Variants in CELF2 observed in about 807,000 individuals in gnomAD.
CELF2 encodes the protein CUG triplet repeat RNA-binding protein 2.
Under a neutral mutation model 62.6 loss-of-function variants are expected in CELF2, and 8 were observed. The observed-to-expected ratio is 0.13, with a 90% CI of 0.07 to 0.23. The LOEUF is 0.23. Among genes scored for constraint, CELF2 ranks in the 10% least tolerant of loss-of-function variants. The pLI, the probability that CELF2 is intolerant of heterozygous loss-of-function variation, is 1.00. For missense variants in CELF2, 333 were observed against 671.0 expected (o/e 0.50, Z 5.56); for synonymous variants, 258 against 250.0 (o/e 1.03, Z -0.30).
chr10:11,216,925 G>A (rs779736262), intron 2 of CELF2, among the ~76,000 whole-genome samples: 2 of 152,244 alleles, frequency 1.3e-5, no homozygotes, highest in Non-Finnish European at 2.9e-5. Flanking sequence ...ATCATGTAAT[G>A]TGGTGGAGAT....
In CELF2 at chr10:11,277,621, A is replaced by T. The variant is rs190297290; in HGVS notation, c.841+2501A>T. Among the ~76,000 whole-genome samples, 17 of 152,372 alleles carry T rather than the reference A, an allele frequency of 1.1e-4. 1 individual carries two copies. In the East Asian group the frequency reaches 2.5e-3, roughly 22 times the overall value. On this transcript the variant is annotated intron_variant, in intron 8 of 12. Transcript: ENST00000633077. Reference sequence around the variant, plus strand: ...CTTAAGTTAAATGCCTGGTTTTTAAATTAAGAAATATGACTTCAGCAATAT... The same window carrying T: ...CTTAAGTTAAATGCCTGGTTTTTAATTTAAGAAATATGACTTCAGCAATAT...
the CELF2 span, among the ~76,000 whole-genome samples, chr10:10,549,825 G>C: frequency 2.6e-5 from 4 of 152,148 alleles, no homozygotes; most frequent in African/African-American, 9.7e-5. Flanking sequence ...TGAATTTTGA[G>C]GTGACACAAT....
At chr10:11,262,986 A>G (rs7904401) in intron 5 of CELF2, among the ~76,000 whole-genome samples, 1 of 104,438 alleles carries the variant, frequency 9.6e-6, no homozygotes, top group African/African-American at 3.6e-5. Context: ...GCAAGAATTC[A>G]TCTAGTTCTC....
At chr10:11,068,160 A>G (rs10795844) in intron 1 of CELF2, among the ~76,000 whole-genome samples, 27,643 of 152,246 alleles carry the variant, frequency 0.18, 2,692 homozygotes, top group Middle Eastern at 0.27. Flanking sequence ...GTCTGATTCC[A>G]GATGCTGAGG....
At chr10:11,277,925 C>T (rs990289920) in intron 8 of CELF2, among the ~76,000 whole-genome samples, 1 of 152,128 alleles carries the variant, frequency 6.6e-6, no homozygotes, top group East Asian at 1.9e-4. Context: ...ATGATCTCTG[C>T]ATCTAAAATT....
chr10:10,801,114 A>C (rs955920688), intron 1 of CELF2, among the ~76,000 whole-genome samples: 2 of 152,036 alleles, frequency 1.3e-5, no homozygotes, highest in African/African-American at 4.8e-5. Context: ...TCCCCTAAAC[A>C]TGCCCCAAAT....
intron 1 of CELF2, among the ~76,000 whole-genome samples, chr10:11,022,921 G>A (rs772051202): frequency 2.0e-5 from 3 of 152,102 alleles, no homozygotes; most frequent in South Asian, 2.1e-4. Flanking sequence ...TAAGCATTCC[G>A]TATCTAATTT....
intron 1 of CELF2, among the ~76,000 whole-genome samples, chr10:10,851,326 C>G (rs1450917131): frequency 6.6e-6 from 1 of 152,146 alleles, no homozygotes; most frequent in Non-Finnish European, 1.5e-5. Flanking sequence ...TTCAGAGCAG[C>G]TTTTTGGTAC....
At position 11,177,221 on chromosome 10, in the gene CELF2, G is replaced by A. The variant is rs1034804263; in HGVS notation, c.271+11539G>A. Among the ~76,000 whole-genome samples the A allele has an allele frequency of 6.6e-6, 1 of 152,162 alleles. No homozygotes were observed. Among genetic ancestry groups the A allele is most frequent in the Non-Finnish European group, 1.5e-5 (1 of 68,028 alleles). ...ACATTACTAAGGCATCCCCTACACA[G>A]AATGTTTAGTAGGGAGGTATTAAAA... On this transcript the variant is annotated intron_variant, in intron 2 of 12. Coordinates refer to ENST00000633077, the MANE Select transcript of CELF2 (RefSeq NM_001326342.2). This position sits in a 1 kb window ranked among gnomAD's most constrained non-coding sequence, Gnocchi z 4.8.
At chr10:11,259,961 G>C (rs1032835633) in intron 5 of CELF2, among the ~76,000 whole-genome samples, 2 of 152,144 alleles carry the variant, frequency 1.3e-5, no homozygotes, top group East Asian at 3.8e-4. Context: ...CAGTGTTACC[G>C]TAGTAATTTT....
chr10:10,693,375 G>A, the CELF2 span, among the ~76,000 whole-genome samples: 60 of 138,744 alleles, frequency 4.3e-4, no homozygotes, highest in African/African-American at 1.6e-3. Flanking sequence ...TGATCATGGT[G>A]GATAAGCTTT....
intron 2 of CELF2, among the ~76,000 whole-genome samples, chr10:11,166,060 A>G (rs991789300): frequency 2.0e-5 from 3 of 152,182 alleles, no homozygotes; most frequent in Non-Finnish European, 2.9e-5. Flanking sequence ...TCCCACCCCT[A>G]CGTTCCTAGG....
chr10:10,959,554 G>A (rs189204357), intron 2 of CELF2, among the ~76,000 whole-genome samples: 1 of 152,330 alleles, frequency 6.6e-6, no homozygotes, highest in East Asian at 1.9e-4. Flanking sequence ...TCAACTGGGT[G>A]ACTTGTCCAC....
At chr10:11,067,114 C>T (rs1291851) in intron 1 of CELF2, among the ~76,000 whole-genome samples, 105,667 of 152,070 alleles carry the variant, frequency 0.69, 38,499 homozygotes, top group African/African-American at 0.92. Flanking sequence ...CTTTTAGCGA[C>T]ATCATCTCAT....
chr10:10,874,446 A>G (rs1057194654), intron 1 of CELF2, among the ~76,000 whole-genome samples: 103 of 152,268 alleles, frequency 6.8e-4, no homozygotes, highest in African/African-American at 2.4e-3. Flanking sequence ...TGGTTAAAAA[A>G]AAAAAAAAAC....
rs559605021 is a variant in CELF2 at position 11,319,418 on chromosome 10, A to G, written c.1097-1771A>G. Among the ~76,000 whole-genome samples the G allele has an allele frequency of 6.6e-6, 1 of 152,284 alleles. No homozygotes were observed. The highest frequency in any genetic ancestry group is 2.1e-4 in the South Asian group (1 of 4,828). On this transcript the variant is annotated intron_variant, in intron 10 of 12. Transcript: ENST00000633077. The surrounding 1 kb of genome is among the most constrained non-coding windows in gnomAD (Gnocchi z 4.4). Reference sequence around the variant, plus strand: ...GCCATAGTAACAGGGACAGAGGGGAAGCACAGCGGCAGGGAGGTGGCCGCG... The same window carrying G: ...GCCATAGTAACAGGGACAGAGGGGAGGCACAGCGGCAGGGAGGTGGCCGCG...
chr10:10,874,068 T>C (rs1284806649), intron 1 of CELF2, among the ~76,000 whole-genome samples: 2 of 152,226 alleles, frequency 1.3e-5, no homozygotes, highest in African/African-American at 4.8e-5. Context: ...CCCAGCACTT[T>C]GGGAGGCAGA....
intron 1 of CELF2, among the ~76,000 whole-genome samples, chr10:11,094,895 A>C (rs991208664): frequency 5.9e-5 from 9 of 152,198 alleles, no homozygotes; most frequent in Non-Finnish European, 1.2e-4. Context: ...ACTTGTTTTA[A>C]TTGAATATCA....
At chr10:10,973,853 C>T (rs927761357) in intron 2 of CELF2, among the ~76,000 whole-genome samples, 1 of 152,196 alleles carries the variant, frequency 6.6e-6, no homozygotes, top group Admixed American at 6.5e-5. Context: ...CAGGCATTAG[C>T]CACCCTGCCT....
Sources: gnomAD v4.1 joint callset for allele counts (sites outside exome capture counted in the v4.1 genomes callset) on GRCh38, gnomAD v4.1.1 for gene constraint, Gnocchi (gnomAD v3.1) non-coding constraint, MANE v1.5 for transcripts, NCBI Gene and HGNC (gene_info 2026-07-23, HGNC 2026-07-21) for gene names.